Variants in MCOLN2 observed in about 807,000 individuals in gnomAD.
MCOLN2 encodes mucolipin TRP cation channel 2.
A neutral mutation model predicts 67.5 loss-of-function variants in MCOLN2; 57 were observed. The observed-to-expected ratio is 0.84, with a 90% CI of 0.68 to 1.05. The LOEUF is 1.05. MCOLN2 is among the 50% of genes least tolerant of loss of function. The pLI is 0.00. For synonymous variants in MCOLN2, 246 were observed against 233.3 expected (o/e 1.05, Z -0.50); for missense variants, 620 against 678.8 (o/e 0.91, Z 0.96).
intron 1 of MCOLN2, among the ~76,000 whole-genome samples, chr1:84,996,576 G>A (rs1362347658): frequency 3.3e-5 from 5 of 151,882 alleles, no homozygotes; most frequent in African/African-American, 9.7e-5. Flanking sequence ...TTTTCATAAA[G>A]GCCGAGGAAC....
chr1:84,946,395 T>C (rs1648111044), intron 7 of MCOLN2, among the ~76,000 whole-genome samples: 1 of 152,218 alleles, frequency 6.6e-6, no homozygotes, highest in Non-Finnish European at 1.5e-5. Context: ...ACTCTTGTGT[T>C]CAGTGCTTTG....
At chr1:84,928,423 C>T (rs1244392829) in intron 13 of MCOLN2, among the ~76,000 whole-genome samples, 1 of 152,162 alleles carries the variant, frequency 6.6e-6, no homozygotes, top group Non-Finnish European at 1.5e-5. Context: ...TCACTTGTTC[C>T]ATAGGGCTGC....
chr1:84,974,885 G>A (rs1218067870), intron 1 of MCOLN2, among the ~76,000 whole-genome samples: 1 of 152,168 alleles, frequency 6.6e-6, no homozygotes. Context: ...AGAGAACATA[G>A]TGGTAGTCTG....
chr1:84,992,299 C>A (rs1218036036), intron 1 of MCOLN2, among the ~76,000 whole-genome samples: 1 of 152,026 alleles, frequency 6.6e-6, no homozygotes, highest in Non-Finnish European at 1.5e-5. Context: ...GGGGAGAAAA[C>A]AAAACACAAC....
chr1:84,963,437 T>C (rs55640042), intron 2 of MCOLN2, among the ~76,000 whole-genome samples: 5,570 of 152,270 alleles, frequency 0.037, 196 homozygotes, highest in East Asian at 0.2. Flanking sequence ...AGATGCAGTT[T>C]TGAAGGAAGA....
chr1:84,965,725 A>C lies in MCOLN2; in HGVS notation c.78-17T>G. 1 of 1,607,570 alleles carries C rather than the reference A, an allele frequency of 6.2e-7. No individual in the cohort carries two copies. Among genetic ancestry groups the C allele is most frequent in the South Asian group, 1.1e-5 (1 of 89,554 alleles). On this transcript the variant is annotated splice_polypyrimidine_tract_variant and intron_variant, in intron 1 of 13. Transcript: ENST00000370608. ...ATTGCATTTCTGCCACAGAAGATTA[A>C]TTTTAAATATCCAGGAAAGCCTCTC...
At chr1:84,996,756 C>A in intron 1 of MCOLN2, 40 bp downstream of exon 1, 1 of 1,571,968 alleles carries the variant, frequency 6.4e-7, no homozygotes, top group Non-Finnish European at 8.8e-7. Context: ...GAAGATTTCT[C>A]CAGTCCAGCA....
chr1:84,989,300 TA>T (rs1474910880), intron 1 of MCOLN2, among the ~76,000 whole-genome samples: 2 of 152,128 alleles, frequency 1.3e-5, no homozygotes, highest in African/African-American at 2.4e-5. Flanking sequence ...AATAACATGA[TA>T]AAAATAATAG....
intron 6 of MCOLN2, among the ~76,000 whole-genome samples, chr1:84,951,421 G>A (rs1002901765): frequency 6.6e-6 from 1 of 152,190 alleles, no homozygotes; most frequent in Non-Finnish European, 1.5e-5. Context: ...CTATGAAAAT[G>A]AGAAGGCAGC....
chr1:84,995,378 A>C (rs1425479121), intron 1 of MCOLN2, among the ~76,000 whole-genome samples: 1 of 152,230 alleles, frequency 6.6e-6, no homozygotes, highest in Non-Finnish European at 1.5e-5. Context: ...AATAAAGCAA[A>C]GAACAATAAA....
chr1:84,966,960 T>C (rs570299378), intron 1 of MCOLN2, among the ~76,000 whole-genome samples: 3 of 152,344 alleles, frequency 2.0e-5, no homozygotes, highest in South Asian at 2.1e-4. Flanking sequence ...ACTTACAGCA[T>C]ATGTACACCA....
intron 1 of MCOLN2, among the ~76,000 whole-genome samples, chr1:84,982,709 T>C (rs1363225278): frequency 6.6e-6 from 1 of 152,146 alleles, no homozygotes; most frequent in Non-Finnish European, 1.5e-5. Context: ...AATTTATGTT[T>C]GTTCCCCTGA....
intron 4 of MCOLN2, among the ~76,000 whole-genome samples, chr1:84,953,936 A>C (rs1181783939): frequency 2.0e-5 from 3 of 152,168 alleles, no homozygotes; most frequent in Non-Finnish European, 4.4e-5. Context: ...TTGAAATGGA[A>C]AAGTTGGGGC....
chr1:84,938,106 A>C (rs762077119), intron 9 of MCOLN2, 24 bp from the exon 10 acceptor site: 2 of 1,533,814 alleles, frequency 1.3e-6, no homozygotes, highest in East Asian at 4.5e-5. Flanking sequence ...AAAAAGAAAG[A>C]GAGAAATGAG....
intron 1 of MCOLN2, among the ~76,000 whole-genome samples, chr1:84,969,668 A>C (rs773794876): frequency 8.5e-5 from 13 of 152,186 alleles, no homozygotes; most frequent in Non-Finnish European, 1.9e-4. Context: ...CCTGAGCCTG[A>C]CACACTCACC....
At chr1:84,952,623 A>C in intron 4 of MCOLN2, 93 bp from the exon 5 acceptor site, 1 of 821,912 alleles carries the variant, frequency 1.2e-6, no homozygotes, top group Non-Finnish European at 2.1e-6. Flanking sequence ...CAGGTTACTT[A>C]CGGAGTTTCA....
chr1:84,939,568 C>G lies in MCOLN2; in HGVS notation c.1095G>C (p.Met365Ile). The G allele has an allele frequency of 6.2e-7, 1 of 1,613,806 alleles. No homozygotes were observed. Among genetic ancestry groups the G allele is most frequent in the Non-Finnish European group, 8.5e-7 (1 of 1,179,920 alleles). Residue 365 changes from methionine (M) to isoleucine (I), a missense_variant, in exon 9 of 14, where the codon ATG (methionine) becomes ATC (isoleucine). Physicochemically the swap from Met to Ile is conservative, Grantham distance 10. Transcript: ENST00000370608. ...CTTCCCTCACCTTTGCTTTGATTTC[C>G]ATTTTTAATATGGAGCCAATGATTG... ...LMTIIGSILK[M>I]EIKAKNLTNY...
At chr1:84,971,499 T>TACACACACATAC (rs1649678542) in intron 1 of MCOLN2, among the ~76,000 whole-genome samples, 2 of 132,184 alleles carry the variant, frequency 1.5e-5, no homozygotes, top group Non-Finnish European at 3.2e-5. Flanking sequence ...TAAACAGACA[T>TACACACACATAC]ACACACACAC....
intron 4 of MCOLN2, among the ~76,000 whole-genome samples, chr1:84,955,672 G>A (rs1309081012): frequency 2.0e-5 from 3 of 152,236 alleles, no homozygotes; most frequent in South Asian, 2.1e-4. Context: ...GCAGGGGCTC[G>A]TAGAGGCAAG....
Sources: allele counts gnomAD v4.1 joint callset (sites outside exome capture counted in the v4.1 genomes callset), GRCh38; gene constraint gnomAD v4.1.1; transcripts MANE v1.5; gene names NCBI Gene and HGNC (gene_info 2026-07-23, HGNC 2026-07-21).